The following SORBS2 variants were observed in gnomAD, a reference collection of about 807,000 sequenced individuals.
SORBS2 encodes the protein sorbin and SH3 domain containing 2, also known as sorbin and SH3 domain-containing protein 2.
SORBS2 carries 46 observed loss-of-function variants against 97.7 expected under a neutral mutation model. The observed-to-expected ratio is 0.47, with a 90% confidence interval of 0.37 to 0.60. The LOEUF (loss-of-function observed/expected upper bound fraction) is 0.60, where lower values mean the gene tolerates loss of function less well. Ranked by LOEUF, SORBS2 falls within the 20% of genes least tolerant of loss-of-function variation. The pLI is 0.00. For missense variants in SORBS2, 1,316 were observed against 1,282.3 expected, an observed-to-expected ratio of 1.03 and a Z score of -0.40; for synonymous variants, 476 against 473.4, an observed-to-expected ratio of 1.01 and a Z score of -0.07.
chr4:185,810,276 C>G (rs1283356485), intron 1 of SORBS2, among the ~76,000 whole-genome samples: 1 of 152,216 alleles, frequency 6.6e-6, no homozygotes, highest in East Asian at 1.9e-4. Flanking sequence ...TATTCTCCTA[C>G]TGCTTTAGCA....
At chr4:185,745,252 C>G (rs2098752868) in intron 2 of SORBS2, among the ~76,000 whole-genome samples, 1 of 152,134 alleles carries the variant, frequency 6.6e-6, no homozygotes, top group Admixed American at 6.5e-5. Context: ...GTGTCTCTAT[C>G]CGAGAGTGCA....
At chr4:185,696,968 G>C (rs2098184245) in intron 2 of SORBS2, among the ~76,000 whole-genome samples, 1 of 152,090 alleles carries the variant, frequency 6.6e-6, no homozygotes, top group South Asian at 2.1e-4. Context: ...CATAAGTCAG[G>C]CACCTTATCA....
chr4:185,839,335 A>T (rs1004216544), intron 1 of SORBS2, among the ~76,000 whole-genome samples: 2 of 152,240 alleles, frequency 1.3e-5, no homozygotes, highest in African/African-American at 4.8e-5. Context: ...ATGAGTCATT[A>T]GACCAGGACT....
chr4:185,681,322 G>T (rs2097863219), intron 2 of SORBS2, among the ~76,000 whole-genome samples: 1 of 151,944 alleles, frequency 6.6e-6, no homozygotes, highest in Non-Finnish European at 1.5e-5. Context: ...GAAAGACTAG[G>T]AGAGGGAGGA....
intron 1 of SORBS2, among the ~76,000 whole-genome samples, chr4:185,830,151 A>AT (rs1355867738): frequency 1.3e-5 from 2 of 152,112 alleles, no homozygotes; most frequent in African/African-American, 2.4e-5. Flanking sequence ...ACTTCTTCAC[A>AT]TTTTTTTCTT....
At chr4:185,739,703 G>T (rs1294321715) in intron 2 of SORBS2, among the ~76,000 whole-genome samples, 1 of 152,094 alleles carries the variant, frequency 6.6e-6, no homozygotes, top group African/African-American at 2.4e-5. Flanking sequence ...ACTTTATATG[G>T]AGAGCACATT....
chr4:185,820,759 T>C (rs180817796), intron 1 of SORBS2, among the ~76,000 whole-genome samples: 1 of 152,388 alleles, frequency 6.6e-6, no homozygotes, highest in African/African-American at 2.4e-5. Context: ...GCACATTTAC[T>C]TGTGCTTTTA....
At position 185,831,085 on chromosome 4, in the gene SORBS2, G is replaced by A. The variant is rs562388546; in HGVS notation, c.-337-55719C>T. On this transcript the variant is annotated intron_variant, in intron 1 of 20. Coordinates refer to the SORBS2 transcript ENST00000284776. ...AGAAAGTAGCCTTTTATCTTCTCAAGGTTTTTCTGCCATTTGAACTTTTGA... is the reference window on the plus strand; with the variant it reads ...AGAAAGTAGCCTTTTATCTTCTCAAAGTTTTTCTGCCATTTGAACTTTTGA... Among the ~76,000 whole-genome samples the A allele has an allele frequency of 2.8e-5, 4 of 144,236 alleles. No individual in the cohort carries two copies. In the East Asian group the frequency reaches 7.8e-4, roughly 28 times the overall value. The allele number at this position is 144,236 out of a possible 152,430, so 94.6% of individuals were successfully genotyped here.
intron 2 of SORBS2, 43 bp from the exon 11 acceptor site, chr4:185,651,871 C>G: frequency 1.0e-6 from 1 of 977,510 alleles, no homozygotes; most frequent in Non-Finnish European, 1.6e-6. Flanking sequence ...TAGATTGTCA[C>G]CAAAGGACAA....
intron 2 of SORBS2, among the ~76,000 whole-genome samples, chr4:185,705,441 G>T (rs531189717): frequency 1.1e-3 from 170 of 152,182 alleles, no homozygotes; most frequent in African/African-American, 3.8e-3. Context: ...AGCTACTTGG[G>T]AGGCTGAGGC....
In SORBS2 at chr4:185,780,654, A is replaced by G. The variant is rs112196815; in HGVS notation, c.-337-5288T>C. Among the ~76,000 whole-genome samples the G allele has an allele frequency of 3.8e-3, 585 of 152,332 alleles. 4 individuals carry two copies. Among genetic ancestry groups the G allele is most frequent in the African/African-American group, 0.012 (498 of 41,580 alleles). On this transcript the variant is annotated intron_variant, in intron 1 of 20. Coordinates refer to the SORBS2 transcript ENST00000284776. ...TCTGGATTACATTCGGCAGTCTGCC[A>G]TGATTTACGCCTTTTTGCAGCACTG...
intron 1 of SORBS2, chr4:185,919,411 T>C (rs1338398649): frequency 6.6e-6 from 1 of 152,202 alleles, no homozygotes; most frequent in African/African-American, 2.4e-5. Flanking sequence ...AGTCTCCATC[T>C]TAGCCATTTC....
chr4:185,801,134 T>C (rs192777297), intron 1 of SORBS2, among the ~76,000 whole-genome samples: 1 of 152,238 alleles, frequency 6.6e-6, no homozygotes, highest in Non-Finnish European at 1.5e-5. Context: ...TTGTACAGTA[T>C]TTGTCTTTCT....
chr4:185,704,126 G>C (rs1455902713), intron 2 of SORBS2, among the ~76,000 whole-genome samples: 1 of 152,114 alleles, frequency 6.6e-6, no homozygotes, highest in Non-Finnish European at 1.5e-5. Flanking sequence ...CAAAAGTAAA[G>C]ACAGCCTAGA....
chr4:185,937,985 T>C (rs920771366), intron 1 of SORBS2, among the ~76,000 whole-genome samples: 10 of 150,590 alleles, frequency 6.6e-5, no homozygotes, highest in African/African-American at 2.4e-4. Flanking sequence ...GCTGCCTGCC[T>C]CCTAGGTTTT....
chr4:185,719,988 T>A (rs954917957), intron 2 of SORBS2, among the ~76,000 whole-genome samples: 1 of 152,248 alleles, frequency 6.6e-6, no homozygotes, highest in Non-Finnish European at 1.5e-5. Context: ...GCTGTGTGCA[T>A]CTTCCAAGAG....
intron 4 of SORBS2, among the ~76,000 whole-genome samples, chr4:185,669,866 A>G (rs2097682207): frequency 6.6e-6 from 1 of 152,206 alleles, no homozygotes; most frequent in African/African-American, 2.4e-5. Flanking sequence ...GACATGTTTG[A>G]CAATTTCCAA....
Position 185,656,715 on chromosome 4 carries a change from C to G in SORBS2, c.-77G>C, listed in dbSNP as rs1207598987. ...ACTTGGTCAGCCAGCTGCTGCCTGC[C>G]CAGGCTCTCAGAAGCTGCCTCTGCT... On this transcript the variant is annotated 5_prime_UTR_variant, in exon 1 of 15. Transcript: ENST00000418609. 5 of 1,546,972 alleles carry G rather than the reference C, an allele frequency of 3.2e-6. 1 individual carries two copies. The South Asian group carries it at 4.8e-5, about 15-fold the overall frequency.
intron 9 of SORBS2, 31 bp from the exon 22 acceptor site, chr4:185,615,190 G>A: frequency 7.9e-7 from 1 of 1,257,948 alleles, no homozygotes; most frequent in East Asian, 2.3e-5. Flanking sequence ...TGGTCTTTTT[G>A]TGATGTACAG....
Sources: gnomAD v4.1 joint callset for allele counts (sites outside exome capture counted in the v4.1 genomes callset) on GRCh38, gnomAD v4.1.1 for gene constraint, MANE v1.5 for transcripts, NCBI Gene and HGNC (gene_info 2026-07-23, HGNC 2026-07-21) for gene names.